Variants in ESR2 observed in about 807,000 individuals in gnomAD.
ESR2 encodes estrogen receptor beta.
Under a neutral mutation model 49.6 loss-of-function variants are expected in ESR2, and 36 were observed. The ratio of observed to expected loss-of-function variants is 0.73; its 90% CI spans 0.56 to 0.96. The LOEUF (loss-of-function observed/expected upper bound fraction) is 0.96, where lower values mean the gene tolerates loss of function less well. Ranked by LOEUF, ESR2 falls within the 40% of genes least tolerant of loss-of-function variation. ESR2 has a pLI of 0.00. For synonymous variants in ESR2, 320 were observed against 266.1 expected (o/e 1.20, Z -1.97); for missense variants, 714 against 693.0 (o/e 1.03, Z -0.34).
rs1411758930 is a variant in ESR2, at chr14:64,280,037, T to C, written c.479A>G (p.His160Arg). Residue 160 changes from histidine to arginine, a missense_variant, in exon 3 of 9, where the codon CAC (histidine) becomes CGC (arginine). Transcript: ENST00000341099. ...TCCTTCACACGACCAGACTCCATAG[T>C]GATATCCCGATGCGTAATCGCTGCA... is the stretch of plus-strand genomic sequence containing the variant. Reference protein sequence around the residue: ...AVCSDYASGYHYGVWSCEGCK... With the variant: ...AVCSDYASGYRYGVWSCEGCK... 4 of 1,614,076 alleles carry C rather than the reference T, an allele frequency of 2.5e-6. No homozygotes were observed. Among genetic ancestry groups the C allele is most frequent in the African/African-American group, 2.7e-5 (2 of 74,938 alleles).
chr14:64,335,702 A>C (rs2077521287), intron 1 of ESR2: 1 of 151,872 alleles, frequency 6.6e-6, no homozygotes, highest in Admixed American at 6.6e-5. Flanking sequence ...GCTATCTCCC[A>C]TATCTACACA....
intron 7 of ESR2, among the ~76,000 whole-genome samples, chr14:64,235,482 TAC>T (rs2075577146): frequency 6.6e-6 from 1 of 152,236 alleles, no homozygotes. Flanking sequence ...CAGCAACAGA[TAC>T]AGAGATGGTC....
chr14:64,260,675 G>A lies in ESR2; in HGVS notation c.726C>T (p.Ala242=), dbSNP rs2076199036. The A allele has an allele frequency of 3.2e-6, 5 of 1,574,160 alleles. No individual in the cohort carries two copies. The highest frequency in any genetic ancestry group is 2.7e-5 in the African/African-American group (2 of 73,492). Residue 242 remains alanine, a synonymous_variant, in exon 5 of 9, where the codon GCC becomes GCT. Coordinates refer to ENST00000341099, the MANE Select transcript of ESR2 (RefSeq NM_001437.3). Reference sequence around the variant, plus strand: ...GGCCGCCACTTCTCTTGGCCTTGCCGGCACAGTGCAGCTGCTCGTCGGCAC... The same window carrying A: ...GGCCGCCACTTCTCTTGGCCTTGCCAGCACAGTGCAGCTGCTCGTCGGCAC... ...QRSADEQLHC[A]GKAKRSGGHA... is the part of the protein sequence containing the mutation.
chr14:64,233,035 G>A lies in ESR2; in HGVS notation c.*102C>T. The A allele has an allele frequency of 1.3e-6, 2 of 1,502,830 alleles. No homozygotes were observed. Among genetic ancestry groups the A allele is most frequent in the Non-Finnish European group, 1.8e-6 (2 of 1,125,336 alleles). 93.1% of individuals were successfully genotyped at this position (1,502,830 alleles called of 1,614,324 possible). ...ATGACCAAGCCTGCCATCACCAAATGAGGGACCACACAGCAGAAAGATGAA... is the reference window on the plus strand; with the variant it reads ...ATGACCAAGCCTGCCATCACCAAATAAGGGACCACACAGCAGAAAGATGAA... On this transcript the variant is annotated 3_prime_UTR_variant, in exon 9 of 9. Coordinates refer to ENST00000341099, the MANE Select transcript of ESR2 (RefSeq NM_001437.3).
intron 1 of ESR2, among the ~76,000 whole-genome samples, chr14:64,288,035 C>G (rs1181465771): frequency 6.6e-6 from 1 of 152,186 alleles, no homozygotes; most frequent in Non-Finnish European, 1.5e-5. Context: ...TTTCTTTAGT[C>G]ACCATAACCT....
At chr14:64,330,152 G>C (rs2140905715) in intron 1 of ESR2, 1 of 135,602 alleles carries the variant, frequency 7.4e-6, no homozygotes, top group African/African-American at 2.8e-5. Context: ...AAATTAGGCT[G>C]GGCACTGTGG....
At chr14:64,302,707 C>G (rs1156441087) in intron 1 of ESR2, among the ~76,000 whole-genome samples, 1 of 152,230 alleles carries the variant, frequency 6.6e-6, no homozygotes, top group Non-Finnish European at 1.5e-5. Flanking sequence ...ATCATCCCCA[C>G]TTTACAGGAA....
At chr14:64,281,755 A>T (rs1333976082) in intron 2 of ESR2, among the ~76,000 whole-genome samples, 1 of 152,238 alleles carries the variant, frequency 6.6e-6, no homozygotes, top group African/African-American at 2.4e-5. Flanking sequence ...AAGAGTACAC[A>T]TATCCTTTTT....
At chr14:64,279,428 G>C (rs1214762286) in intron 3 of ESR2, among the ~76,000 whole-genome samples, 1 of 152,054 alleles carries the variant, frequency 6.6e-6, no homozygotes, top group East Asian at 1.9e-4. Flanking sequence ...AGAAAGTTAG[G>C]GAAATAATCT....
chr14:64,324,885 G>A (rs888884234), intron 1 of ESR2, among the ~76,000 whole-genome samples: 3 of 152,118 alleles, frequency 2.0e-5, no homozygotes, highest in African/African-American at 7.2e-5. Flanking sequence ...GAGTAATAAA[G>A]TCATAAAATA....
At chr14:64,238,094 C>T (rs2075644294) in intron 7 of ESR2, among the ~76,000 whole-genome samples, 2 of 152,148 alleles carry the variant, frequency 1.3e-5, no homozygotes, top group Non-Finnish European at 2.9e-5. Context: ...TAAAAGAACG[C>T]CTCAGAACCA....
intron 1 of ESR2, among the ~76,000 whole-genome samples, chr14:64,337,049 C>T (rs1596508603): frequency 6.6e-6 from 1 of 152,190 alleles, no homozygotes; most frequent in Admixed American, 6.5e-5. Flanking sequence ...CAGTTCACTA[C>T]GGTATCTGAT....
chr14:64,336,061 G>C (rs1256121), intron 1 of ESR2: 28,058 of 151,006 alleles, frequency 0.19, 3,114 homozygotes, highest in East Asian at 0.38. Context: ...ATGTTGGCCA[G>C]GCTGGGCTCG....
At chr14:64,233,422 A>C in intron 8 of ESR2, 99 bp from the exon 9 acceptor site, 1 of 1,117,562 alleles carries the variant, frequency 8.9e-7, no homozygotes, top group Non-Finnish European at 1.3e-6. Context: ...AGTCTACCCC[A>C]CCCCTAAACC....
chr14:64,268,742 G>T, intron 4 of ESR2, 53 bp downstream of exon 4: 1 of 1,038,622 alleles, frequency 9.6e-7, no homozygotes, highest in Non-Finnish European at 1.5e-6. Context: ...TTCCTCAGAG[G>T]ACAGGGCTTT....
At chr14:64,317,584 C>A (rs1244047961) in intron 1 of ESR2, among the ~76,000 whole-genome samples, 4 of 152,158 alleles carry the variant, frequency 2.6e-5, no homozygotes, top group Non-Finnish European at 5.9e-5. Flanking sequence ...GCCCCCATAA[C>A]CCAAACACCT....
intron 1 of ESR2, among the ~76,000 whole-genome samples, chr14:64,292,339 T>C (rs2076886141): frequency 6.6e-6 from 1 of 152,168 alleles, no homozygotes; most frequent in Non-Finnish European, 1.5e-5. Flanking sequence ...TAGGTAGAGG[T>C]ACAAAGGGGA....
chr14:64,276,979 G>A (rs2076569334), intron 3 of ESR2, among the ~76,000 whole-genome samples: 1 of 152,176 alleles, frequency 6.6e-6, no homozygotes, highest in Admixed American at 6.5e-5. Context: ...CATCCGTAGA[G>A]CCTGGTACAA....
chr14:64,302,921 C>A (rs1360771579), intron 1 of ESR2, among the ~76,000 whole-genome samples: 1 of 152,168 alleles, frequency 6.6e-6, no homozygotes, highest in Non-Finnish European at 1.5e-5. Flanking sequence ...GCCTCAGCCT[C>A]CCGAGTAGCT....
Sources: allele counts gnomAD v4.1 joint callset (sites outside exome capture counted in the v4.1 genomes callset), GRCh38; gene constraint gnomAD v4.1.1; transcripts MANE v1.5; gene names NCBI Gene and HGNC (gene_info 2026-07-23, HGNC 2026-07-21).